Variants in MBD5 observed in about 807,000 individuals in gnomAD.
The protein encoded by MBD5 is methyl-CpG-binding domain protein 5.
Under a neutral mutation model 117.3 loss-of-function variants are expected in MBD5, and 13 were observed. That is an observed-to-expected ratio of 0.11 (90% CI 0.07 to 0.18). The LOEUF is 0.18. MBD5 is among the 10% of genes least tolerant of loss of function. The pLI is 1.00. For missense variants in MBD5, 1,879 were observed against 2,093.8 expected, an observed-to-expected ratio of 0.90 and a Z score of 2.00; for synonymous variants, 727 against 766.4, an observed-to-expected ratio of 0.95 and a Z score of 0.85.
intron 3 of MBD5, among the ~76,000 whole-genome samples, chr2:148,325,965 G>A (rs1412963232): frequency 1.3e-5 from 2 of 151,964 alleles, no homozygotes; most frequent in Admixed American, 6.6e-5. Context: ...TTTCTCTTGT[G>A]GGCATTTAGT....
intron 5 of MBD5, among the ~76,000 whole-genome samples, chr2:148,461,691 TTAATG>T (rs886447753): frequency 6.6e-6 from 1 of 152,200 alleles, no homozygotes; most frequent in Non-Finnish European, 1.5e-5. Flanking sequence ...CATTGACATG[TTAATG>T]TAAAGTCCTA....
intron 1 of MBD5, among the ~76,000 whole-genome samples, chr2:148,119,241 A>T (rs1283590935): frequency 6.6e-6 from 1 of 152,000 alleles, no homozygotes; most frequent in Non-Finnish European, 1.5e-5. Flanking sequence ...CGTTGTTTTG[A>T]TTCACATTTC....
intron 3 of MBD5, among the ~76,000 whole-genome samples, chr2:148,258,580 C>T (rs571518694): frequency 7.2e-5 from 11 of 152,288 alleles, no homozygotes; most frequent in Admixed American, 2.0e-4. Flanking sequence ...TCTACATGTC[C>T]TCCTGGCTAC....
At chr2:148,100,855 C>A (rs549202191) in intron 1 of MBD5, among the ~76,000 whole-genome samples, 1 of 152,174 alleles carries the variant, frequency 6.6e-6, no homozygotes, top group African/African-American at 2.4e-5. Flanking sequence ...ATACAACTTA[C>A]TTCCCCTCTC....
At chr2:148,380,901 C>T (rs929029825) in intron 4 of MBD5, among the ~76,000 whole-genome samples, 5 of 152,126 alleles carry the variant, frequency 3.3e-5, no homozygotes, top group Non-Finnish European at 7.4e-5. Flanking sequence ...AGACCTGCAG[C>T]TGAGGGTCCT....
chr2:148,192,786 G>T, intron 2 of MBD5, among the ~76,000 whole-genome samples: 1 of 64,856 alleles, frequency 1.5e-5, no homozygotes, highest in Non-Finnish European at 2.9e-5. Flanking sequence ...AGGAAATAAA[G>T]GGTATTCAAT....
intron 3 of MBD5, chr2:148,243,805 A>C (rs1324417953): frequency 1.3e-5 from 2 of 152,112 alleles, no homozygotes; most frequent in Admixed American, 1.3e-4. Flanking sequence ...GGCCTCAAAG[A>C]AGCATATAGT....
At chr2:148,284,716 T>C (rs983121221) in intron 3 of MBD5, among the ~76,000 whole-genome samples, 20 of 151,912 alleles carry the variant, frequency 1.3e-4, no homozygotes, top group Non-Finnish European at 2.5e-4. Flanking sequence ...GCTCACTTGC[T>C]TTTTTTCTTT....
rs371139324 is a variant in MBD5, at chr2:148,438,530, G to A, written c.-556-19673G>A. Among the ~76,000 whole-genome samples, 10 of 152,170 alleles carry A rather than the reference G, an allele frequency of 6.6e-5. No homozygotes were observed. The East Asian group carries it at 1.7e-3, about 26-fold the overall frequency. On this transcript the variant is annotated intron_variant, in intron 4 of 13. Coordinates refer to ENST00000642680, the MANE Select transcript of MBD5 (RefSeq NM_001378120.1). ...CTTCCACAGTGTTGTGAGGAATACA[G>A]TAAGAAGGAAGGATATTTGGCTTCT...
At chr2:148,114,493 T>C (rs1269131164) in intron 1 of MBD5, among the ~76,000 whole-genome samples, 3 of 152,110 alleles carry the variant, frequency 2.0e-5, no homozygotes, top group Non-Finnish European at 4.4e-5. Context: ...AGTATTCCAA[T>C]TTTAAAATTT....
Position 148,139,739 on chromosome 2 carries a change from C to G in MBD5, c.-924-38961C>G, listed in dbSNP as rs372430024. On this transcript the variant is annotated intron_variant, in intron 1 of 13. Transcript: ENST00000642680. ...TCCACTTTTAAACAATAGCTACCCC[C>G]CTGCACCCATTATCTCTCAATATGT... 7.9e-5 allele frequency among the ~76,000 whole-genome samples: 12 copies of G among 152,254 alleles called. 1 individual carries two copies. The highest frequency in any genetic ancestry group is 1.2e-4 in the Non-Finnish European group (8 of 68,012).
chr2:148,023,865 A>T (rs1357348368), intron 1 of MBD5, among the ~76,000 whole-genome samples: 2 of 151,576 alleles, frequency 1.3e-5, no homozygotes, highest in Non-Finnish European at 2.9e-5. Flanking sequence ...TTGGATAATG[A>T]TTTATGTTTA....
At chr2:148,289,784 G>A (rs1007623953) in intron 3 of MBD5, among the ~76,000 whole-genome samples, 8 of 151,948 alleles carry the variant, frequency 5.3e-5, no homozygotes, top group East Asian at 1.9e-4. Context: ...AAAAATGTAC[G>A]AAATTTAGTA....
At chr2:148,468,158 T>G (rs1462809979) in intron 7 of MBD5, among the ~76,000 whole-genome samples, 183 bp from the exon 8 acceptor site, 2 of 152,190 alleles carry the variant, frequency 1.3e-5, no homozygotes, top group Admixed American at 6.6e-5. Context: ...AAATCAAATT[T>G]AAAATAGTAT....
At chr2:148,162,377 C>A (rs1698027170) in intron 1 of MBD5, among the ~76,000 whole-genome samples, 1 of 152,122 alleles carries the variant, frequency 6.6e-6, no homozygotes, top group African/African-American at 2.4e-5. Flanking sequence ...TGGAGGAACT[C>A]CAACTAAGAC....
intron 3 of MBD5, among the ~76,000 whole-genome samples, chr2:148,269,668 G>GTTTTTTTTT (rs11316954): frequency 4.8e-5 from 6 of 125,828 alleles, no homozygotes; most frequent in African/African-American, 8.9e-5. Context: ...AGTTTTTTTA[G>GTTTTTTTTT]TTTTTTTTTT....
At chr2:148,457,591 A>G (rs1706924866) in intron 4 of MBD5, among the ~76,000 whole-genome samples, 1 of 152,124 alleles carries the variant, frequency 6.6e-6, no homozygotes, top group Non-Finnish European at 1.5e-5. Context: ...AGGGAATTAA[A>G]AGAGCACCCC....
chr2:148,413,692 A>G (rs1705335743), intron 4 of MBD5, among the ~76,000 whole-genome samples: 1 of 151,350 alleles, frequency 6.6e-6, no homozygotes, highest in Non-Finnish European at 1.5e-5. Context: ...TTCCTCATTC[A>G]ATGTTAGGAG....
chr2:148,406,917 A>G (rs1402878534), intron 4 of MBD5, among the ~76,000 whole-genome samples: 1 of 152,168 alleles, frequency 6.6e-6, no homozygotes, highest in Admixed American at 6.6e-5. Context: ...TTTCCTGCCC[A>G]TATGCTCTCT....
Sources: allele counts gnomAD v4.1 joint callset (sites outside exome capture counted in the v4.1 genomes callset), GRCh38; gene constraint gnomAD v4.1.1; transcripts MANE v1.5; gene names NCBI Gene and HGNC (gene_info 2026-07-23, HGNC 2026-07-21).